COL23A1: variants seen among roughly 807,000 people sequenced by gnomAD.
The protein encoded by COL23A1 is collagen alpha-1(XXIII) chain.
In COL23A1, 97 loss-of-function variants were observed where a neutral mutation model predicts 99.3. That is an observed-to-expected ratio of 0.98 (90% CI 0.83 to 1.16). COL23A1 has a LOEUF of 1.16. Ranked by LOEUF, COL23A1 falls within the 50% of genes most tolerant of loss-of-function variation. The pLI is 0.00. For synonymous variants in COL23A1, 320 were observed against 308.2 expected, an observed-to-expected ratio of 1.04 and a Z score of -0.40; for missense variants, 762 against 757.4, an observed-to-expected ratio of 1.01 and a Z score of -0.07.
intron 2 of COL23A1, among the ~76,000 whole-genome samples, chr5:178,488,567 T>A (rs1757755984): frequency 6.6e-6 from 1 of 152,066 alleles, no homozygotes; most frequent in African/African-American, 2.4e-5. Flanking sequence ...ATCGTTGAAG[T>A]CTTGCACCAA....
chr5:178,297,405 C>T (rs569309141), intron 3 of COL23A1, among the ~76,000 whole-genome samples: 1 of 152,194 alleles, frequency 6.6e-6, no homozygotes, highest in Non-Finnish European at 1.5e-5. Flanking sequence ...GTAATCCCAG[C>T]TACTCAGGAG....
chr5:178,533,044 C>A (rs1296912440), intron 2 of COL23A1, among the ~76,000 whole-genome samples: 3 of 152,268 alleles, frequency 2.0e-5, no homozygotes, highest in Middle Eastern at 6.8e-3. Flanking sequence ...TCACTTAGCC[C>A]CTCTGAGAGT....
intron 2 of COL23A1, among the ~76,000 whole-genome samples, chr5:178,374,882 T>C (rs1216270290): frequency 6.6e-6 from 1 of 151,868 alleles, no homozygotes; most frequent in Non-Finnish European, 1.5e-5. Context: ...GCATCAGGAG[T>C]CAAATTATTG....
chr5:178,566,228 G>A (rs1290551830), intron 1 of COL23A1, among the ~76,000 whole-genome samples: 3 of 152,138 alleles, frequency 2.0e-5, no homozygotes, highest in Non-Finnish European at 2.9e-5. Flanking sequence ...GTGGGAGAGT[G>A]ACAGGAATTA....
chr5:178,421,389 A>G (rs1177780289), intron 2 of COL23A1, among the ~76,000 whole-genome samples: 1 of 152,130 alleles, frequency 6.6e-6, no homozygotes, highest in Non-Finnish European at 1.5e-5. Flanking sequence ...CATTTTCTTT[A>G]TCCATAAGGT....
intron 3 of COL23A1, among the ~76,000 whole-genome samples, chr5:178,297,884 G>T (rs1048154632): frequency 1.3e-5 from 2 of 152,184 alleles, no homozygotes; most frequent in African/African-American, 2.4e-5. Flanking sequence ...CTAGGTTTGT[G>T]CTGTGGCTGC....
At chr5:178,274,400 T>C (rs937229066) in intron 5 of COL23A1, among the ~76,000 whole-genome samples, 1 of 151,914 alleles carries the variant, frequency 6.6e-6, no homozygotes, top group Admixed American at 6.6e-5. Context: ...AAGGAATGCA[T>C]GGGGTGGGGG....
rs372022555 is a variant in COL23A1 at position 178,495,352 on chromosome 5, G to A, written c.361+65330C>T. ...ATTCTGCTCATGGTGAGAATCATAA[G>A]TGATCAAAGTCAAGGGCATAGAGGA... On this transcript the variant is annotated intron_variant, in intron 2 of 28. Coordinates refer to ENST00000390654, the MANE Select transcript of COL23A1 (RefSeq NM_173465.4). Among the ~76,000 whole-genome samples the A allele has an allele frequency of 1.1e-4, 16 of 152,366 alleles. No homozygotes were observed. The South Asian group carries it at 2.7e-3, about 26-fold the overall frequency.
chr5:178,279,732 G>T (rs1756786253), intron 5 of COL23A1, among the ~76,000 whole-genome samples: 1 of 152,142 alleles, frequency 6.6e-6, no homozygotes, highest in Non-Finnish European at 1.5e-5. Context: ...TACCATCCCG[G>T]CCCATCTTGG....
chr5:178,269,969 T>C lies in COL23A1; in HGVS notation c.468+368A>G, dbSNP rs1010282299. On this transcript the variant is annotated intron_variant, in intron 6 of 28. Transcript: ENST00000390654. ...AGCTTGATGCCCACCAGGGCAGTCT[T>C]GAGAACGTAGTGAGGACACTGTGCC... Among the ~76,000 whole-genome samples, 11 of 152,368 alleles carry C rather than the reference T, an allele frequency of 7.2e-5. No homozygotes were observed. In the East Asian group the frequency reaches 2.1e-3, roughly 29 times the overall value.
intron 2 of COL23A1, among the ~76,000 whole-genome samples, chr5:178,478,146 C>G (rs914492114): frequency 1.1e-4 from 16 of 152,302 alleles, no homozygotes; most frequent in African/African-American, 3.4e-4. Context: ...CGACAGGCCT[C>G]CCTGAACCTC....
rs1758462146 is a variant in COL23A1, at chr5:178,308,067, A to T, written c.362-1148T>A. Among the ~76,000 whole-genome samples, 1 of 151,156 alleles carries T rather than the reference A, an allele frequency of 6.6e-6. No individual in the cohort carries two copies. The highest frequency in any genetic ancestry group is 2.4e-5 in the African/African-American group (1 of 40,846). On this transcript the variant is annotated intron_variant, in intron 2 of 28. Coordinates refer to ENST00000390654, the MANE Select transcript of COL23A1 (RefSeq NM_173465.4). This position sits in a 1 kb window ranked among gnomAD's most constrained non-coding sequence, Gnocchi z 5.1. Reference sequence around the variant, plus strand: ...TCTCTATGTATGTGTGTTTGTGTGCATGTGTGTGTCTGTGTTTTTGTGTCT... The same window carrying T: ...TCTCTATGTATGTGTGTTTGTGTGCTTGTGTGTGTCTGTGTTTTTGTGTCT...
chr5:178,443,123 C>G (rs753628777), intron 2 of COL23A1: 1 of 152,324 alleles, frequency 6.6e-6, no homozygotes, highest in Admixed American at 6.5e-5. Flanking sequence ...AGCACCTGCA[C>G]GTCCTCACCC....
intron 3 of COL23A1, among the ~76,000 whole-genome samples, chr5:178,298,730 C>T (rs1757878651): frequency 6.6e-6 from 1 of 152,246 alleles, no homozygotes; most frequent in Non-Finnish European, 1.5e-5. Flanking sequence ...ATAAAGACAA[C>T]AACCTTCAGG....
intron 2 of COL23A1, among the ~76,000 whole-genome samples, chr5:178,490,306 A>G (rs929401038): frequency 2.6e-5 from 4 of 152,174 alleles, no homozygotes; most frequent in African/African-American, 9.7e-5. Context: ...CTCCATGGAG[A>G]AACTTTGAGG....
At chr5:178,346,451 G>C (rs776394129) in intron 2 of COL23A1, among the ~76,000 whole-genome samples, 20 of 152,116 alleles carry the variant, frequency 1.3e-4, no homozygotes, top group Non-Finnish European at 2.8e-4. Flanking sequence ...GGCCAGGCTG[G>C]TCTCAAATTC....
chr5:178,429,131 G>A (rs957006519), intron 2 of COL23A1, among the ~76,000 whole-genome samples: 4 of 152,162 alleles, frequency 2.6e-5, no homozygotes, highest in Non-Finnish European at 4.4e-5. Flanking sequence ...GCATTTCAGC[G>A]CCTTTACAGC....
chr5:178,488,192 C>T, intron 2 of COL23A1, among the ~76,000 whole-genome samples: 1 of 152,184 alleles, frequency 6.6e-6, no homozygotes, highest in East Asian at 1.9e-4. Context: ...TCTGGGTGAT[C>T]TGGTGCACTC....
intron 2 of COL23A1, among the ~76,000 whole-genome samples, chr5:178,560,454 T>C (rs1562090624): frequency 6.6e-6 from 1 of 152,044 alleles, no homozygotes. Context: ...TCTCCGACAA[T>C]GTCTTAGCTC....
Sources: allele counts gnomAD v4.1 joint callset (sites outside exome capture counted in the v4.1 genomes callset), GRCh38; gene constraint gnomAD v4.1.1; non-coding constraint Gnocchi (gnomAD v3.1); transcripts MANE v1.5; gene names NCBI Gene and HGNC (gene_info 2026-07-23, HGNC 2026-07-21).